NIPBL: variants seen among roughly 807,000 people sequenced by gnomAD.
NIPBL encodes the protein NIPBL cohesin loading factor.
Under a neutral mutation model 321.8 loss-of-function variants are expected in NIPBL, and 19 were observed. That is an observed-to-expected ratio of 0.06 (90% confidence interval 0.04 to 0.09). The LOEUF (loss-of-function observed/expected upper bound fraction) is 0.09, where lower values mean the gene tolerates loss of function less well. Among genes scored for constraint, NIPBL ranks in the 10% least tolerant of loss-of-function variants. The probability of loss-of-function intolerance (pLI) is 1.00; values close to 1 mark genes in which losing one functional copy is unlikely to be tolerated. For missense variants in NIPBL, 2,210 were observed against 3,327.0 expected, an observed-to-expected ratio of 0.66 and a Z score of 8.26; for synonymous variants, 1,106 against 1,114.1, an observed-to-expected ratio of 0.99 and a Z score of 0.14.
chr5:36,886,324 G>A, intron 1 of NIPBL: 1 of 689,620 alleles, frequency 1.5e-6, no homozygotes. Flanking sequence ...GGTCAAGCTG[G>A]AGGCTGAGAG....
intron 32 of NIPBL, among the ~76,000 whole-genome samples, chr5:37,032,601 C>T (rs999922752): frequency 1.1e-4 from 16 of 152,000 alleles, no homozygotes; most frequent in Non-Finnish European, 2.4e-4. Context: ...GAGACCCCAT[C>T]TCTGAAAAAC....
At position 36,877,124 on chromosome 5, in the gene NIPBL, T is replaced by G; in HGVS notation, c.-134T>G. Reference sequence around the variant, plus strand: ...CCCCCCCTCCCGGCCCGGATTATAGTCTCTCGCCACAGCGGCCTCGGCCTC... The same window carrying G: ...CCCCCCCTCCCGGCCCGGATTATAGGCTCTCGCCACAGCGGCCTCGGCCTC... On this transcript the variant is annotated 5_prime_UTR_variant, in exon 1 of 47. Coordinates refer to ENST00000282516, the MANE Select transcript of NIPBL (RefSeq NM_133433.4). 3.3e-6 allele frequency: 1 copy of G among 305,418 alleles called. No individual in the cohort carries two copies. The highest frequency in any genetic ancestry group is 5.9e-6 in the Non-Finnish European group (1 of 169,800). 18.9% of individuals were successfully genotyped at this position (305,418 alleles called of 1,614,324 possible).
chr5:36,894,052 C>T (rs1746543866), intron 1 of NIPBL, among the ~76,000 whole-genome samples: 1 of 152,040 alleles, frequency 6.6e-6, no homozygotes, highest in Non-Finnish European at 1.5e-5. Context: ...AAATATAAAC[C>T]ATGCCTATGT....
intron 1 of NIPBL, among the ~76,000 whole-genome samples, chr5:36,931,272 A>G (rs972199921): frequency 6.6e-6 from 1 of 151,502 alleles, no homozygotes; most frequent in African/African-American, 2.4e-5. Flanking sequence ...TTTTAATATA[A>G]GTTGTGTAAT....
At chr5:37,046,042 C>T in intron 37 of NIPBL, 67 bp from the exon 38 acceptor site, 13 of 809,004 alleles carry the variant, frequency 1.6e-5, no homozygotes, top group Admixed American at 5.7e-5. Flanking sequence ...GTATTTTTTT[C>T]CTTTATAGTT....
chr5:37,008,890 A>G (rs904222887), intron 20 of NIPBL, among the ~76,000 whole-genome samples, 167 bp downstream of exon 20: 1 of 152,234 alleles, frequency 6.6e-6, no homozygotes, highest in Non-Finnish European at 1.5e-5. Context: ...TGGCATATTT[A>G]GGGGGCTTAG....
rs555675374 is a variant in NIPBL, at chr5:36,974,662, A to G, written c.869-1114A>G. Among the ~76,000 whole-genome samples the G allele has an allele frequency of 6.6e-5, 10 of 152,230 alleles. No individual in the cohort carries two copies. The South Asian group carries it at 1.9e-3, about 28-fold the overall frequency. On this transcript the variant is annotated intron_variant, in intron 8 of 46. Coordinates refer to ENST00000282516, the MANE Select transcript of NIPBL (RefSeq NM_133433.4). ...CTAACATTTATAGTTAATTGCTCCC[A>G]TATCATCTTTATCACACTAGAGTCA...
rs186491308 is a variant in NIPBL, at chr5:36,925,514, C to T, written c.-79-28104C>T. Among the ~76,000 whole-genome samples, 36 of 152,212 alleles carry T rather than the reference C, an allele frequency of 2.4e-4. No individual in the cohort carries two copies. In the East Asian group the frequency reaches 5.4e-3, roughly 23 times the overall value. On this transcript the variant is annotated intron_variant, in intron 1 of 46. Transcript: ENST00000282516. ...CTCCCGACCTCAGGTGATCCATCCA[C>T]CTCGGCCTCCCAAAGTTCTGGTATT...
At chr5:37,052,853 C>T (rs1387837285) in intron 42 of NIPBL, among the ~76,000 whole-genome samples, 1 of 152,118 alleles carries the variant, frequency 6.6e-6, no homozygotes, top group Non-Finnish European at 1.5e-5. Context: ...AGCAACATCA[C>T]TAAACTAATC....
intron 1 of NIPBL, among the ~76,000 whole-genome samples, chr5:36,879,075 G>C (rs1461160275): frequency 2.0e-5 from 3 of 152,148 alleles, no homozygotes; most frequent in African/African-American, 7.2e-5. Flanking sequence ...GGGGATGGAG[G>C]TGGTAAGGGC....
chr5:36,999,816 A>G (rs577368249), intron 11 of NIPBL, among the ~76,000 whole-genome samples: 76 of 152,340 alleles, frequency 5.0e-4, no homozygotes, highest in African/African-American at 1.7e-3. Context: ...TTTCTGTCTC[A>G]GTAGGCTTGT....
At chr5:36,911,636 C>T (rs1748060292) in intron 1 of NIPBL, among the ~76,000 whole-genome samples, 1 of 152,118 alleles carries the variant, frequency 6.6e-6, no homozygotes. Context: ...CTCTTGTATT[C>T]TCACAGTACT....
rs560445654 is a variant in NIPBL, at chr5:36,971,968, G to A, written c.795G>A (p.Arg265=). The A allele has an allele frequency of 1.2e-6, 2 of 1,611,116 alleles. No homozygotes were observed. Among genetic ancestry groups the A allele is most frequent in the East Asian group, 2.2e-5 (1 of 44,640 alleles). Residue 265 remains arginine, a synonymous_variant, in exon 8 of 47, where the codon AGG becomes AGA. Transcript: ENST00000282516. ...SSDDGDSSTM[R]NAASFPLRSP... is the part of the protein sequence containing the mutation. ...AGGATGGAGATTCTTCAACAATGAG[G>A]AATGCTGCATCTTTTCCCTTGAGAT...
chr5:37,017,500 T>A (rs1206913842), intron 24 of NIPBL, among the ~76,000 whole-genome samples: 1 of 152,058 alleles, frequency 6.6e-6, no homozygotes, highest in Non-Finnish European at 1.5e-5. Flanking sequence ...GATTGTTTTG[T>A]ACTTTTGAAT....
intron 10 of NIPBL, 57 bp downstream of exon 10, chr5:36,986,358 T>G: frequency 8.5e-7 from 1 of 1,170,430 alleles, no homozygotes; most frequent in Non-Finnish European, 1.1e-6. Context: ...GTGTTAAGAT[T>G]ACTAAGTTTT....
At chr5:37,047,096 A>T (rs115127924) in intron 38 of NIPBL, among the ~76,000 whole-genome samples, 3,217 of 152,294 alleles carry the variant, frequency 0.021, 120 homozygotes, top group African/African-American at 0.074. Context: ...AATCTAGAGA[A>T]GATTTAAAGT....
intron 9 of NIPBL, among the ~76,000 whole-genome samples, chr5:36,981,520 T>C (rs980549363): frequency 1.3e-5 from 2 of 151,746 alleles, no homozygotes; most frequent in Non-Finnish European, 3.0e-5. Context: ...TATTTTATAA[T>C]ATTCCAAAAG....
In NIPBL at chr5:36,876,842, C is replaced by T. The variant is rs1202041310; in HGVS notation, c.-416C>T. 2 of 388,236 alleles carry T rather than the reference C, an allele frequency of 5.2e-6. No individual in the cohort carries two copies. The highest frequency in any genetic ancestry group is 9.1e-6 in the Non-Finnish European group (2 of 220,656). 24.0% of individuals were successfully genotyped at this position (388,236 alleles called of 1,614,324 possible). ...GCTCCTTCCCCCCGCCCTCCCCCCCCTCCCTCCGTCGGTACCGACTCACCC... is the reference window on the plus strand; with the variant it reads ...GCTCCTTCCCCCCGCCCTCCCCCCCTTCCCTCCGTCGGTACCGACTCACCC... On this transcript the variant is annotated 5_prime_UTR_variant, in exon 1 of 47. Coordinates refer to ENST00000282516, the MANE Select transcript of NIPBL (RefSeq NM_133433.4).
At chr5:36,923,885 A>G (rs1011655460) in intron 1 of NIPBL, among the ~76,000 whole-genome samples, 2 of 152,202 alleles carry the variant, frequency 1.3e-5, no homozygotes, top group Non-Finnish European at 2.9e-5. Context: ...TTATAAATGG[A>G]TAGAGCAAGA....
Sources: gnomAD v4.1 joint callset for allele counts (sites outside exome capture counted in the v4.1 genomes callset) on GRCh38, gnomAD v4.1.1 for gene constraint, MANE v1.5 for transcripts, NCBI Gene and HGNC (gene_info 2026-07-23, HGNC 2026-07-21) for gene names.